Variants in TRIM44 observed in about 807,000 individuals in gnomAD.
TRIM44 encodes the protein tripartite motif containing 44.
Under a neutral mutation model 37.4 loss-of-function variants are expected in TRIM44, and 13 were observed. The observed-to-expected ratio is 0.35, with a 90% CI of 0.23 to 0.55. The LOEUF (loss-of-function observed/expected upper bound fraction) is 0.55, where lower values mean the gene tolerates loss of function less well. Ranked by LOEUF, TRIM44 falls within the 20% of genes least tolerant of loss-of-function variation. The pLI, the probability that TRIM44 is intolerant of heterozygous loss-of-function variation, is 0.89. For synonymous variants in TRIM44, 175 were observed against 157.2 expected, an observed-to-expected ratio of 1.11 and a Z score of -0.85; for missense variants, 426 against 437.2, an observed-to-expected ratio of 0.97 and a Z score of 0.23.
intron 2 of TRIM44, among the ~76,000 whole-genome samples, chr11:35,696,215 C>T (rs978923840): frequency 6.6e-6 from 1 of 150,438 alleles, no homozygotes; most frequent in Non-Finnish European, 1.5e-5. Flanking sequence ...GCAATCTCAG[C>T]TCACTGCAAG....
rs1257903199 is a variant in TRIM44, at chr11:35,725,914, T to C, written c.748-10T>C. The C allele has an allele frequency of 6.2e-7, 1 of 1,612,266 alleles. No individual in the cohort carries two copies. The highest frequency in any genetic ancestry group is 1.1e-5 in the South Asian group (1 of 90,978). ...TCAACTTATTCTTCTTATTTGTCTC[T>C]GTTCTAAAGGTAACTCGGGACCAAA... On this transcript the variant is annotated splice_polypyrimidine_tract_variant and intron_variant, in intron 2 of 4. Transcript: ENST00000299413.
In TRIM44 at chr11:35,729,798, G is replaced by A. The variant is rs1852230665; in HGVS notation, c.987+3635G>A. On this transcript the variant is annotated intron_variant, in intron 3 of 4. Transcript: ENST00000299413. ...CTGCTAAAATAGAAGATTTAAATAG[G>A]AACTAGGTTTTTATAATATAACTCA... Among the ~76,000 whole-genome samples, 6 of 152,274 alleles carry A rather than the reference G, an allele frequency of 3.9e-5. No homozygotes were observed. The South Asian group carries it at 1.0e-3, about 26-fold the overall frequency.
Position 35,711,048 on chromosome 11 carries a change from A to G in TRIM44, c.748-14876A>G, listed in dbSNP as rs76850334. On this transcript the variant is annotated intron_variant, in intron 2 of 4. Transcript: ENST00000299413. ...GTATGGGACTGAGGGAGGTGGAGGA[A>G]TGTGGGGTGACTGCTAATAGCAATG... Among the ~76,000 whole-genome samples the G allele has an allele frequency of 5.5e-3, 844 of 152,256 alleles. 5 individuals carry two copies. The highest frequency in any genetic ancestry group is 8.4e-3 in the Non-Finnish European group (573 of 67,998).
chr11:35,694,564 A>G (rs142076440), intron 2 of TRIM44, among the ~76,000 whole-genome samples: 109 of 152,248 alleles, frequency 7.2e-4, no homozygotes, highest in Non-Finnish European at 9.4e-4. Context: ...TGTTTTGTTC[A>G]TAGAAGCATA....
At chr11:35,762,275 A>AT (rs1002149500) in intron 4 of TRIM44, among the ~76,000 whole-genome samples, 4 of 151,876 alleles carry the variant, frequency 2.6e-5, no homozygotes, top group South Asian at 2.1e-4. Flanking sequence ...TCTAGATGGC[A>AT]TTTTTTTTCC....
chr11:35,727,419 A>G (rs1852191386), intron 3 of TRIM44, among the ~76,000 whole-genome samples: 1 of 152,202 alleles, frequency 6.6e-6, no homozygotes, highest in African/African-American at 2.4e-5. Context: ...GAGCCAAAGT[A>G]ATCCAGGAGG....
intron 3 of TRIM44, among the ~76,000 whole-genome samples, chr11:35,731,685 ATTGGTGTGTCTTT>A (rs1490099362): frequency 6.6e-6 from 1 of 152,146 alleles, no homozygotes; most frequent in East Asian, 1.9e-4. Flanking sequence ...AGTATTAAAA[ATTGGTGTGTCTTT>A]ATTTATATGT....
At chr11:35,704,832 G>T (rs1437757897) in intron 2 of TRIM44, among the ~76,000 whole-genome samples, 1 of 152,118 alleles carries the variant, frequency 6.6e-6, no homozygotes, top group African/African-American at 2.4e-5. Context: ...GACCATCGAT[G>T]CTCGGAAGAA....
chr11:35,746,777 A>G (rs534250695), intron 4 of TRIM44, among the ~76,000 whole-genome samples: 3 of 152,320 alleles, frequency 2.0e-5, no homozygotes, highest in African/African-American at 7.2e-5. Flanking sequence ...GGACCTAAAC[A>G]TGAATGGTTG....
At position 35,662,815 on chromosome 11, in the gene TRIM44, C is replaced by A. The variant is rs892277883; in HGVS notation, c.-297C>A. On this transcript the variant is annotated 5_prime_UTR_variant, in exon 1 of 5. Coordinates refer to ENST00000299413, the MANE Select transcript of TRIM44 (RefSeq NM_017583.6). ...CTCTCCCTGGTAGCGGGAGGCTGAGCGGGCGGCGCGACGCGGGGGCCGACG... is the reference window on the plus strand; with the variant it reads ...CTCTCCCTGGTAGCGGGAGGCTGAGAGGGCGGCGCGACGCGGGGGCCGACG... 7.5e-6 allele frequency: 2 copies of A among 266,688 alleles called. No homozygotes were observed. The highest frequency in any genetic ancestry group is 1.4e-5 in the Non-Finnish European group (2 of 145,516). The allele number at this position is 266,688 out of a possible 1,614,324, so 16.5% of individuals were successfully genotyped here. A position where few individuals can be genotyped will look rare whatever the true frequency, so the allele number is the denominator to read the frequency against.
chr11:35,700,075 TC>T (rs1346563725), intron 2 of TRIM44, among the ~76,000 whole-genome samples: 2 of 152,172 alleles, frequency 1.3e-5, no homozygotes, highest in Non-Finnish European at 2.9e-5. Flanking sequence ...CCAATGACTT[TC>T]TTCACAGAAC....
chr11:35,804,686 C>T (rs1853425186), intron 4 of TRIM44, among the ~76,000 whole-genome samples: 1 of 152,174 alleles, frequency 6.6e-6, no homozygotes, highest in African/African-American at 2.4e-5. Context: ...CCCTTTGGGA[C>T]AGATGCCATT....
rs1156422091 is a variant in TRIM44, at chr11:35,663,304, C to G, written c.193C>G (p.Gln65Glu). 6.2e-7 allele frequency: 1 copy of G among 1,614,096 alleles called. No individual in the cohort carries two copies. Among genetic ancestry groups the G allele is most frequent in the South Asian group, 1.1e-5 (1 of 91,072 alleles). The change falls in exon 1 of 5, where the codon CAG becomes GAG. Residue 65 changes from glutamine to glutamate, a missense_variant. Gln to Glu is a conservative substitution (Grantham distance 29). Coordinates refer to ENST00000299413, the MANE Select transcript of TRIM44 (RefSeq NM_017583.6). ...TCTGGCCGAATACGTCCACGGCTCC[C>G]AGGCCTGGACCCCGCCAGCTGACGG... is the stretch of plus-strand genomic sequence containing the variant. ...HHLAEYVHGS[Q>E]AWTPPADGEG...
chr11:35,685,416 T>A lies in TRIM44; in HGVS notation c.747+80T>A, dbSNP rs536498152. The A allele has an allele frequency of 6.8e-6, 8 of 1,171,916 alleles. No individual in the cohort carries two copies. In the South Asian group the frequency reaches 1.0e-4, roughly 15 times the overall value. The allele number at this position is 1,171,916 out of a possible 1,614,324, so 72.6% of individuals were successfully genotyped here. On this transcript the variant is annotated intron_variant, in intron 2 of 4. Coordinates refer to ENST00000299413, the MANE Select transcript of TRIM44 (RefSeq NM_017583.6). ...TTGAGCTAAAATTGTGAGGTGTTGA[T>A]GATCATCTCTCTGAATATTGCATTA...
At chr11:35,712,190 T>C (rs1225931616) in intron 2 of TRIM44, among the ~76,000 whole-genome samples, 2 of 151,836 alleles carry the variant, frequency 1.3e-5, no homozygotes, top group African/African-American at 2.4e-5. Context: ...GCCTTGGGAG[T>C]GTGTAGTTGT....
chr11:35,705,325 A>G (rs1455782845), intron 2 of TRIM44, among the ~76,000 whole-genome samples: 1 of 152,162 alleles, frequency 6.6e-6, no homozygotes, highest in Non-Finnish European at 1.5e-5. Flanking sequence ...AGACTTTAAC[A>G]CCCCACTGTC....
At chr11:35,727,008 A>T (rs547829568) in intron 3 of TRIM44, among the ~76,000 whole-genome samples, 77 of 151,950 alleles carry the variant, frequency 5.1e-4, no homozygotes, top group African/African-American at 1.7e-3. Context: ...AAAAAAAAAT[A>T]AAAAAGTAGC....
intron 4 of TRIM44, among the ~76,000 whole-genome samples, chr11:35,791,126 G>C (rs1853204194): frequency 6.6e-6 from 1 of 152,042 alleles, no homozygotes; most frequent in Non-Finnish European, 1.5e-5. Flanking sequence ...GGGAGCCCTA[G>C]CCTCTGCTTG....
In TRIM44 at chr11:35,752,862, G is replaced by A. The variant is rs375189629; in HGVS notation, c.1007+17417G>A. On this transcript the variant is annotated intron_variant, in intron 4 of 4. Coordinates refer to ENST00000299413, the MANE Select transcript of TRIM44 (RefSeq NM_017583.6). ...ACTTTAGAATAATATTCTTGACTGT[G>A]TTTTGGTTTTCTGCATAAACTTGCC... 3.7e-4 allele frequency among the ~76,000 whole-genome samples: 56 copies of A among 152,242 alleles called. No individual in the cohort carries two copies. The South Asian group carries it at 6.6e-3, about 18-fold the overall frequency.
Sources: gnomAD v4.1 joint callset for allele counts (sites outside exome capture counted in the v4.1 genomes callset) on GRCh38, gnomAD v4.1.1 for gene constraint, MANE v1.5 for transcripts, NCBI Gene and HGNC (gene_info 2026-07-23, HGNC 2026-07-21) for gene names.